TNNI3K: variants seen among roughly 807,000 people sequenced by gnomAD.
TNNI3K encodes serine/threonine-protein kinase TNNI3K.
TNNI3K carries 140 observed loss-of-function variants against 114.5 expected under a neutral mutation model. That is an observed-to-expected ratio of 1.22 (90% CI 1.07 to 1.41). TNNI3K has a LOEUF of 1.41. TNNI3K is among the 40% of genes most tolerant of loss of function. The pLI, the probability that TNNI3K is intolerant of heterozygous loss-of-function variation, is 0.00. For synonymous variants in TNNI3K, 347 were observed against 347.5 expected (o/e 1.00, Z 0.02); for missense variants, 1,125 against 1,007.6 (o/e 1.12, Z -1.58).
chr1:74,530,842 T>C (rs1182951950), intron 23 of TNNI3K, among the ~76,000 whole-genome samples: 2 of 152,172 alleles, frequency 1.3e-5, no homozygotes, highest in Non-Finnish European at 2.9e-5. Flanking sequence ...TCTTAATGGT[T>C]TGCTCAGCTG....
At chr1:74,273,018 G>T (rs1656448497) in intron 5 of TNNI3K, among the ~76,000 whole-genome samples, 2 of 151,726 alleles carry the variant, frequency 1.3e-5, no homozygotes, top group Admixed American at 1.3e-4. Context: ...TTTTAGTCAT[G>T]TTGCAATTCA....
intron 2 of TNNI3K, among the ~76,000 whole-genome samples, chr1:74,245,389 G>C (rs1654491149): frequency 1.3e-5 from 2 of 152,144 alleles, no homozygotes; most frequent in African/African-American, 4.8e-5. Context: ...AGAGCCACAG[G>C]TAGCCTTTCA....
chr1:74,349,416 A>G (rs967070288), intron 9 of TNNI3K, among the ~76,000 whole-genome samples: 1 of 152,066 alleles, frequency 6.6e-6, no homozygotes, highest in African/African-American at 2.4e-5. Context: ...CATCAAGGAT[A>G]TTCGTCTAAA....
chr1:74,497,538 A>G lies in TNNI3K; in HGVS notation c.2351+5272A>G, dbSNP rs139886028. ...GTCTTCTTGTTGTTTCTACAATCCC[A>G]TGGCTTCAACTCACACCACATACAT... On this transcript the variant is annotated intron_variant, in intron 23 of 24. Coordinates refer to ENST00000326637, the MANE Select transcript of TNNI3K (RefSeq NM_015978.3). Among the ~76,000 whole-genome samples, 28 of 151,808 alleles carry G rather than the reference A, an allele frequency of 1.8e-4. No homozygotes were observed. The South Asian group carries it at 3.5e-3, about 19-fold the overall frequency.
chr1:74,472,259 A>C, intron 21 of TNNI3K: 1 of 705,204 alleles, frequency 1.4e-6, no homozygotes. Context: ...ACCCCAACCA[A>C]ACAGATGCGT....
At chr1:74,493,688 CTA>C (rs1224103520) in intron 23 of TNNI3K, among the ~76,000 whole-genome samples, 1 of 152,164 alleles carries the variant, frequency 6.6e-6, no homozygotes, top group Admixed American at 6.5e-5. Context: ...GCGTTCAGGT[CTA>C]TTCCTTGGGT....
intron 9 of TNNI3K, among the ~76,000 whole-genome samples, chr1:74,349,779 C>G (rs1418938453): frequency 6.6e-6 from 1 of 152,186 alleles, no homozygotes; most frequent in Non-Finnish European, 1.5e-5. Context: ...ATAGTATTCT[C>G]TGATGGTAGT....
chr1:74,541,015 C>A (rs149675775), intron 24 of TNNI3K, among the ~76,000 whole-genome samples: 179 of 152,268 alleles, frequency 1.2e-3, no homozygotes, highest in African/African-American at 4.0e-3. Context: ...TTTTACCAAC[C>A]TTTAAGCCTG....
chr1:74,426,934 A>T (rs892575899), intron 17 of TNNI3K, among the ~76,000 whole-genome samples: 1 of 152,116 alleles, frequency 6.6e-6, no homozygotes, highest in Non-Finnish European at 1.5e-5. Flanking sequence ...TAATATAGGA[A>T]AAAGAATAGT....
At chr1:74,508,900 G>A (rs1670043350) in intron 23 of TNNI3K, among the ~76,000 whole-genome samples, 1 of 152,016 alleles carries the variant, frequency 6.6e-6, no homozygotes, top group Admixed American at 6.6e-5. Context: ...GTTTTTACAG[G>A]GTCTGCAGAA....
At position 74,298,317 on chromosome 1, in the gene TNNI3K, G is replaced by A. The variant is rs536385894; in HGVS notation, c.444+26609G>A. 2.6e-5 allele frequency among the ~76,000 whole-genome samples: 4 copies of A among 152,236 alleles called. No individual in the cohort carries two copies. In the East Asian group the frequency reaches 7.7e-4, roughly 29 times the overall value. ...AGACTCAAACACTGCAACATAGTCA[G>A]GTAGTGTAAATAGTAATGAATGATT... On this transcript the variant is annotated intron_variant, in intron 5 of 24. Transcript: ENST00000326637.
intron 5 of TNNI3K, among the ~76,000 whole-genome samples, chr1:74,281,383 C>T (rs929295039): frequency 2.0e-5 from 3 of 147,268 alleles, no homozygotes; most frequent in Admixed American, 6.7e-5. Flanking sequence ...ATGTCAAATG[C>T]TTAGACACTA....
intron 20 of TNNI3K, among the ~76,000 whole-genome samples, chr1:74,450,603 T>C (rs2100696052): frequency 6.6e-6 from 1 of 152,180 alleles, no homozygotes; most frequent in East Asian, 1.9e-4. Flanking sequence ...AACAGACATG[T>C]CTCAAAAGAA....
At chr1:74,460,206 T>C (rs1195181883) in intron 20 of TNNI3K, among the ~76,000 whole-genome samples, 1 of 152,114 alleles carries the variant, frequency 6.6e-6, no homozygotes, top group Non-Finnish European at 1.5e-5. Flanking sequence ...TAGCTGGGAC[T>C]ACAGGCGCCA....
chr1:74,277,643 GT>G (rs1409353119), intron 5 of TNNI3K, among the ~76,000 whole-genome samples: 1 of 152,050 alleles, frequency 6.6e-6, no homozygotes, highest in Non-Finnish European at 1.5e-5. Flanking sequence ...TGTTACTCTG[GT>G]GTTACGTGCT....
chr1:74,437,061 C>G (rs1343734946), intron 19 of TNNI3K, among the ~76,000 whole-genome samples: 1 of 151,900 alleles, frequency 6.6e-6, no homozygotes, highest in South Asian at 2.1e-4. Flanking sequence ...TCCCCAATCC[C>G]TCCCCCTGAA....
intron 16 of TNNI3K, chr1:74,369,879 A>T (rs935256076): frequency 9.8e-6 from 3 of 306,966 alleles, no homozygotes; most frequent in Non-Finnish European, 1.8e-5. Context: ...GATAAAGAAG[A>T]TATATGTAAG....
At chr1:74,489,007 A>C (rs1208096131) in intron 21 of TNNI3K, among the ~76,000 whole-genome samples, 182 bp from the exon 22 acceptor site, 3 of 152,222 alleles carry the variant, frequency 2.0e-5, no homozygotes, top group African/African-American at 7.2e-5. Context: ...GGGAGACTCA[A>C]CATCTCTCCA....
At chr1:74,336,598 G>C (rs1205657948) in intron 7 of TNNI3K, among the ~76,000 whole-genome samples, 1 of 150,788 alleles carries the variant, frequency 6.6e-6, no homozygotes, top group Admixed American at 6.6e-5. Context: ...AGAATATGTG[G>C]TGTTTGGTTT....
Sources: allele counts gnomAD v4.1 joint callset (sites outside exome capture counted in the v4.1 genomes callset), GRCh38; gene constraint gnomAD v4.1.1; transcripts MANE v1.5; gene names NCBI Gene and HGNC (gene_info 2026-07-23, HGNC 2026-07-21).